Variants in ARHGEF11 observed in about 807,000 individuals in gnomAD.
The protein encoded by ARHGEF11 is Rho guanine nucleotide exchange factor 11.
A neutral mutation model predicts 193.7 loss-of-function variants in ARHGEF11; 55 were observed. That is an observed-to-expected ratio of 0.28 (90% confidence interval 0.23 to 0.36). The LOEUF (loss-of-function observed/expected upper bound fraction) is 0.36. Ranked by LOEUF, ARHGEF11 falls within the 10% of genes least tolerant of loss-of-function variation. The probability of loss-of-function intolerance (pLI) is 1.00; values close to 1 mark genes in which losing one functional copy is unlikely to be tolerated. For synonymous variants in ARHGEF11, 693 were observed against 768.0 expected (o/e 0.90, Z 1.62); for missense variants, 1,723 against 2,005.6 (o/e 0.86, Z 2.69).
intron 1 of ARHGEF11, among the ~76,000 whole-genome samples, chr1:157,033,105 C>T (rs1671494259): frequency 6.6e-6 from 1 of 152,148 alleles, no homozygotes; most frequent in South Asian, 2.1e-4. Flanking sequence ...TCTCTATCCC[C>T]TCCTGACCTC....
At position 156,944,026 on chromosome 1, in the gene ARHGEF11, G is replaced by A; in HGVS notation, c.3144C>T (p.His1048=). Residue 1048 remains histidine (H), a synonymous_variant, in exon 32 of 41, where the codon CAC becomes CAT. Coordinates refer to ENST00000368194, the MANE Select transcript of ARHGEF11 (RefSeq NM_198236.3). ...CTGAGGAGCCCACAGCAGTCTTGCTGTGGCACTTCAGCAATAGCTTCTCAT... is the reference window on the plus strand; with the variant it reads ...CTGAGGAGCCCACAGCAGTCTTGCTATGGCACTTCAGCAATAGCTTCTCAT... The part of the protein sequence containing the change: ...KQDEKLLLKC[H]SKTAVGSSDS... The A allele has an allele frequency of 1.9e-6, 3 of 1,614,182 alleles. No homozygotes were observed. The highest frequency in any genetic ancestry group is 2.5e-6 in the Non-Finnish European group (3 of 1,180,026).
intron 1 of ARHGEF11, among the ~76,000 whole-genome samples, chr1:157,035,228 C>G (rs938340187): frequency 1.3e-5 from 2 of 151,950 alleles, no homozygotes; most frequent in Non-Finnish European, 2.9e-5. Context: ...CACTATGGTC[C>G]CACAGCCATG....
At chr1:156,973,187 C>G (rs1352375937) in intron 7 of ARHGEF11, among the ~76,000 whole-genome samples, 1 of 152,184 alleles carries the variant, frequency 6.6e-6, no homozygotes, top group Non-Finnish European at 1.5e-5. Context: ...TTTGGCCTCC[C>G]CAAGTGCTGG....
In ARHGEF11 at chr1:156,979,287, C is replaced by A; in HGVS notation, c.274-1G>T. ...TATTGGTCACCATGGTGCCGTTGAC[C>A]TGTTGGAGGGACAAACAGTATTGAG... On this transcript the variant is annotated splice_acceptor_variant, in intron 4 of 40. Transcript: ENST00000368194. LOFTEE classifies it high-confidence loss of function. The A allele has an allele frequency of 6.2e-7, 1 of 1,613,468 alleles. No individual in the cohort carries two copies. The highest frequency in any genetic ancestry group is 8.5e-7 in the Non-Finnish European group (1 of 1,179,766).
At chr1:156,962,106 C>T (rs1660952574) in intron 13 of ARHGEF11, among the ~76,000 whole-genome samples, 1 of 152,230 alleles carries the variant, frequency 6.6e-6, no homozygotes, top group African/African-American at 2.4e-5. Flanking sequence ...TCTGTATCCT[C>T]TCCACACGTG....
intron 1 of ARHGEF11, among the ~76,000 whole-genome samples, chr1:156,997,295 T>C (rs1666655362): frequency 6.6e-6 from 1 of 152,162 alleles, no homozygotes; most frequent in Admixed American, 6.5e-5. Flanking sequence ...TAAAGTAACA[T>C]ATCATTGCTA....
intron 1 of ARHGEF11, among the ~76,000 whole-genome samples, chr1:157,023,105 T>G (rs1438439215): frequency 1.3e-5 from 2 of 152,132 alleles, no homozygotes; most frequent in Non-Finnish European, 2.9e-5. Context: ...TTATCAGACA[T>G]GACACCAAAA....
At position 156,934,853 on chromosome 1, in the gene ARHGEF11, A is replaced by C. The variant is rs1043827712; in HGVS notation, c.*1147T>G. The stretch of plus-strand genomic sequence containing the variant: ...ACACACCACCACTGAAGGATATTTA[A>C]CTTTTCTTAAAAAAAAAATCTTAAC... On this transcript the variant is annotated 3_prime_UTR_variant, in exon 41 of 41. Coordinates refer to ENST00000368194, the MANE Select transcript of ARHGEF11 (RefSeq NM_198236.3). 3 of 151,192 alleles carry C rather than the reference A, an allele frequency of 2.0e-5. No homozygotes were observed. Among genetic ancestry groups the C allele is most frequent in the African/African-American group, 7.3e-5 (3 of 41,156 alleles). The allele number at this position is 151,192 out of a possible 1,614,324, so 9.4% of individuals were successfully genotyped here. A position where few individuals can be genotyped will look rare whatever the true frequency, so the allele number is the denominator to read the frequency against.
chr1:156,945,471 G>C (rs1247082829), intron 29 of ARHGEF11: 1 of 453,634 alleles, frequency 2.2e-6, no homozygotes, highest in Non-Finnish European at 3.9e-6. Flanking sequence ...CAGATGCAAG[G>C]GACAGAGACT....
rs143305036 is a variant in ARHGEF11 at position 156,979,406 on chromosome 1, C to T, written c.274-120G>A. 7.0e-3 allele frequency: 5,100 copies of T among 733,340 alleles called. 232 individuals carry two copies. In the African/African-American group the frequency reaches 0.089, roughly 13 times the overall value. 45.4% of individuals were successfully genotyped at this position (733,340 alleles called of 1,614,324 possible). ...TTTGAGATGGAGTCTTGCTCTGTCA[C>T]CCAGGCTGGAGTGCAGTGGCCCATC... On this transcript the variant is annotated intron_variant, in intron 4 of 40. Transcript: ENST00000368194.
At chr1:156,989,680 G>A (rs1665438791) in intron 1 of ARHGEF11, among the ~76,000 whole-genome samples, 1 of 152,058 alleles carries the variant, frequency 6.6e-6, no homozygotes, top group Non-Finnish European at 1.5e-5. Context: ...CTTTTTCAAG[G>A]TCCTGATCAA....
intron 32 of ARHGEF11, among the ~76,000 whole-genome samples, chr1:156,943,335 A>G (rs1375156692): frequency 6.6e-6 from 1 of 152,230 alleles, no homozygotes; most frequent in East Asian, 1.9e-4. Flanking sequence ...GGCTGGGATT[A>G]CAGGCATGAG....
intron 38 of ARHGEF11, among the ~76,000 whole-genome samples, chr1:156,938,135 C>T (rs1343943522): frequency 6.6e-6 from 1 of 152,114 alleles, no homozygotes. Context: ...AGGTCCCCAC[C>T]CCCAGGCCAG....
In ARHGEF11 at chr1:156,935,854, T is replaced by A; in HGVS notation, c.*146A>T. The A allele has an allele frequency of 1.1e-6, 1 of 886,868 alleles. No individual in the cohort carries two copies. The highest frequency in any genetic ancestry group is 1.7e-6 in the Non-Finnish European group (1 of 589,654). 54.9% of individuals were successfully genotyped at this position (886,868 alleles called of 1,614,324 possible). ...GAGCAGACCAAGCAACATGCGGGTCTCCCCCCGGGCCTTGGCTGGATCCTA... is the reference window on the plus strand; with the variant it reads ...GAGCAGACCAAGCAACATGCGGGTCACCCCCCGGGCCTTGGCTGGATCCTA... On this transcript the variant is annotated 3_prime_UTR_variant, in exon 41 of 41. Coordinates refer to ENST00000368194, the MANE Select transcript of ARHGEF11 (RefSeq NM_198236.3).
In ARHGEF11 at chr1:156,944,395, T is replaced by TC; in HGVS notation, c.3029dup (p.Pro1011ThrfsTer10). On this transcript the variant is annotated frameshift_variant, in exon 31 of 41. Transcript: ENST00000368194. LOFTEE classifies it high-confidence loss of function. ...CCTTGCTGATCCTCCAGGTCAGGGGTCCCTCATGGATCATTTTTCTGGTTG... is the reference window on the plus strand; with the variant it reads ...CCTTGCTGATCCTCCAGGTCAGGGGTCCCCTCATGGATCATTTTTCTGGTTG... 6.2e-7 allele frequency: 1 copy of TC among 1,614,030 alleles called. No homozygotes were observed. Among genetic ancestry groups the TC allele is most frequent in the Non-Finnish European group, 8.5e-7 (1 of 1,180,022 alleles).
rs2101962135 is a variant in ARHGEF11 at position 156,948,915 on chromosome 1, C to T, written c.1926-417G>A. The T allele has an allele frequency of 3.0e-6, 3 of 985,434 alleles. No homozygotes were observed. The highest frequency in any genetic ancestry group is 3.6e-6 in the Non-Finnish European group (3 of 829,912). The allele number at this position is 985,434 out of a possible 1,614,324, so 61.0% of individuals were successfully genotyped here. ...CTCCCTGCCCCTAGTGGCCAGTTCACGTTGCCTCTGCTTTGGAACGGGTCA... is the reference window on the plus strand; with the variant it reads ...CTCCCTGCCCCTAGTGGCCAGTTCATGTTGCCTCTGCTTTGGAACGGGTCA... On this transcript the variant is annotated intron_variant, in intron 22 of 40. Coordinates refer to ENST00000368194, the MANE Select transcript of ARHGEF11 (RefSeq NM_198236.3). This position sits in a 1 kb window ranked among gnomAD's most constrained non-coding sequence, Gnocchi z 4.2.
At chr1:156,973,807 T>C (rs1285288895) in intron 7 of ARHGEF11, among the ~76,000 whole-genome samples, 1 of 152,214 alleles carries the variant, frequency 6.6e-6, no homozygotes, top group Non-Finnish European at 1.5e-5. Flanking sequence ...AAGTCTCCCA[T>C]TGCTATCCTC....
chr1:156,969,914 G>A, intron 9 of ARHGEF11, 84 bp downstream of exon 9: 1 of 1,361,554 alleles, frequency 7.3e-7, no homozygotes, highest in Non-Finnish European at 1.0e-6. Context: ...TTCTTTCCTG[G>A]AATCTGCCCC....
rs1003649477 is a variant in ARHGEF11, at chr1:156,978,053, T to C, written c.510+151A>G. 7 of 1,274,024 alleles carry C rather than the reference T, an allele frequency of 5.5e-6. No individual in the cohort carries two copies. The African/African-American group carries it at 1.1e-4, about 19-fold the overall frequency. The allele number at this position is 1,274,024 out of a possible 1,614,324, so 78.9% of individuals were successfully genotyped here. A position where few individuals can be genotyped will look rare whatever the true frequency, so the allele number is the denominator to read the frequency against. ...AACAACTGTTATTGTGCAGCCTTCA[T>C]TTTTGTTCAACTCTTTCAATGGTCT... On this transcript the variant is annotated intron_variant, in intron 6 of 40. Transcript: ENST00000368194.
Sources: allele counts gnomAD v4.1 joint callset (sites outside exome capture counted in the v4.1 genomes callset), GRCh38; gene constraint gnomAD v4.1.1; non-coding constraint Gnocchi (gnomAD v3.1); transcripts MANE v1.5; gene names NCBI Gene and HGNC (gene_info 2026-07-23, HGNC 2026-07-21).